Variants in ZFYVE9 observed in about 807,000 individuals in gnomAD.
ZFYVE9 encodes the protein zinc finger FYVE-type containing 9, also known as zinc finger FYVE domain-containing protein 9.
A neutral mutation model predicts 126.7 loss-of-function variants in ZFYVE9; 43 were observed. The ratio of observed to expected loss-of-function variants is 0.34; its 90% confidence interval spans 0.27 to 0.44. The LOEUF is 0.44. ZFYVE9 is among the 20% of genes least tolerant of loss of function. The probability of loss-of-function intolerance (pLI) is 1.00; values close to 1 mark genes in which losing one functional copy is unlikely to be tolerated. For synonymous variants in ZFYVE9, 521 were observed against 597.4 expected (o/e 0.87, Z 1.87); for missense variants, 1,476 against 1,697.0 (o/e 0.87, Z 2.29).
intron 13 of ZFYVE9, among the ~76,000 whole-genome samples, chr1:52,317,925 C>T (rs192102437): frequency 6.6e-6 from 1 of 152,090 alleles, no homozygotes; most frequent in Admixed American, 6.5e-5. Context: ...TGTTTAAAAC[C>T]TTCTCACAAA....
At chr1:52,181,148 T>C (rs1644697731) in intron 1 of ZFYVE9, among the ~76,000 whole-genome samples, 1 of 152,024 alleles carries the variant, frequency 6.6e-6, no homozygotes. Flanking sequence ...AGCTGGACTG[T>C]ACTGCTGCCA....
At chr1:52,232,415 A>C (rs147397369) in intron 2 of ZFYVE9, among the ~76,000 whole-genome samples, 2 of 152,248 alleles carry the variant, frequency 1.3e-5, no homozygotes, top group African/African-American at 4.8e-5. Context: ...TAGAAATGGT[A>C]CTCGAAGAGG....
At chr1:52,340,816 A>G (rs1646428147) in intron 17 of ZFYVE9, among the ~76,000 whole-genome samples, 1 of 147,904 alleles carries the variant, frequency 6.8e-6, no homozygotes. Context: ...CATGGGAATC[A>G]CTTGAACCCG....
chr1:52,277,325 C>T (rs1475876729), intron 8 of ZFYVE9, among the ~76,000 whole-genome samples: 1 of 152,130 alleles, frequency 6.6e-6, no homozygotes, highest in Non-Finnish European at 1.5e-5. Context: ...AATTGGCCTA[C>T]TCTGTTGTTA....
At chr1:52,327,130 C>T (rs962550521) in intron 13 of ZFYVE9, among the ~76,000 whole-genome samples, 3 of 152,016 alleles carry the variant, frequency 2.0e-5, no homozygotes, top group Non-Finnish European at 4.4e-5. Flanking sequence ...CACTACACTC[C>T]AGCCTGGTGA....
chr1:52,184,588 CGGGTGGTGGGGAGCGG>C (rs1302037736), intron 1 of ZFYVE9, among the ~76,000 whole-genome samples: 17 of 3,230 alleles, frequency 5.3e-3, no homozygotes, highest in Non-Finnish European at 1.3e-3. Context: ...TTTTGGGTGG[CGGGTGGTGGGGAGCGG>C]GGGTGGGCGG....
At chr1:52,296,157 ACATATATATTCATATGTAT>A (rs968702087) in intron 12 of ZFYVE9, among the ~76,000 whole-genome samples, 180 bp downstream of exon 12, 68 of 151,734 alleles carry the variant, frequency 4.5e-4, no homozygotes, top group African/African-American at 1.5e-3. Context: ...ACACACATAT[ACATATATATTCATATGTAT>A]ACACACACAC....
At chr1:52,198,567 T>C (rs888552170) in intron 1 of ZFYVE9, among the ~76,000 whole-genome samples, 1 of 152,204 alleles carries the variant, frequency 6.6e-6, no homozygotes, top group Non-Finnish European at 1.5e-5. Flanking sequence ...GGAGCATACA[T>C]AGGATCTAAT....
intron 9 of ZFYVE9, 111 bp from the exon 10 acceptor site, chr1:52,281,550 G>A: frequency 8.2e-7 from 1 of 1,220,868 alleles, no homozygotes; most frequent in Non-Finnish European, 1.1e-6. Context: ...CAGACTCAGT[G>A]TGATCTATTT....
chr1:52,245,899 G>C (rs967130466), intron 4 of ZFYVE9, among the ~76,000 whole-genome samples: 2 of 152,124 alleles, frequency 1.3e-5, no homozygotes, highest in African/African-American at 4.8e-5. Context: ...TTGCATTTCT[G>C]AGAGAAATGT....
At chr1:52,318,372 G>GTGTGTGTGTA (rs1429204102) in intron 13 of ZFYVE9, among the ~76,000 whole-genome samples, 1 of 5,496 alleles carries the variant, frequency 1.8e-4, no homozygotes, top group Non-Finnish European at 2.4e-3. Flanking sequence ...ATGATTGTAT[G>GTGTGTGTGTA]TGTGTGTGTG....
intron 10 of ZFYVE9, among the ~76,000 whole-genome samples, chr1:52,284,920 A>G (rs1382136253): frequency 6.6e-6 from 1 of 152,176 alleles, no homozygotes; most frequent in Admixed American, 6.5e-5. Context: ...ATGTATATCT[A>G]AGGAAATAAC....
At chr1:52,217,990 C>T (rs1645087505) in intron 2 of ZFYVE9, among the ~76,000 whole-genome samples, 2 of 152,156 alleles carry the variant, frequency 1.3e-5, no homozygotes, top group South Asian at 4.1e-4. Context: ...GTGATTTATC[C>T]AGTCTACGTT....
Position 52,340,137 on chromosome 1 carries a change from C to T in ZFYVE9, c.3845C>T (p.Pro1282Leu). 1 of 1,613,110 alleles carries T rather than the reference C, an allele frequency of 6.2e-7. No homozygotes were observed. Among genetic ancestry groups the T allele is most frequent in the Non-Finnish European group, 8.5e-7 (1 of 1,179,202 alleles). Residue 1282 changes from proline to leucine, a missense_variant, in exon 17 of 19, where the codon CCT (proline) becomes CTT (leucine). Pro to Leu is a moderately conservative substitution (Grantham distance 98, BLOSUM62 -3). This residue lies in a region of ZFYVE9 where 669 missense variants were observed against 902.4 expected (regional missense o/e 0.74). Coordinates refer to ENST00000287727, the MANE Select transcript of ZFYVE9 (RefSeq NM_004799.4). ...DKNVSKGVVS[P>L]IDGKSMETIT... ...TGCCTCTATTTTAGTGTCGTAAGTC[C>T]TATAGATGGGAAGTCCATGGAGACT...
In ZFYVE9 at chr1:52,239,304, C is replaced by T. The variant is rs1645309890; in HGVS notation, c.1887C>T (p.Thr629=). 1 of 1,613,970 alleles carries T rather than the reference C, an allele frequency of 6.2e-7. No homozygotes were observed. Among genetic ancestry groups the T allele is most frequent in the African/African-American group, 1.3e-5 (1 of 74,906 alleles). Residue 629 remains threonine, a synonymous_variant, in exon 4 of 19, where the codon ACC becomes ACT. Coordinates refer to ENST00000287727, the MANE Select transcript of ZFYVE9 (RefSeq NM_004799.4). ...GKAKLGENSA[T]NVCSPSLGNI... ...CAAAATTAGGGGAAAACTCAGCAAC[C>T]AATGTATGCAGTCCATCTTTGGGAA...
chr1:52,199,312 C>T (rs1644901109), intron 1 of ZFYVE9, among the ~76,000 whole-genome samples: 1 of 152,196 alleles, frequency 6.6e-6, no homozygotes, highest in African/African-American at 2.4e-5. Context: ...ATCCACCCGC[C>T]TCGGCTTCCC....
intron 10 of ZFYVE9, among the ~76,000 whole-genome samples, chr1:52,284,619 C>T (rs113875138): frequency 0.013 from 1,966 of 152,186 alleles, 21 homozygotes; most frequent in Middle Eastern, 0.02. Context: ...CGGGGTTTCA[C>T]CGTGTTAGCC....
At chr1:52,315,388 A>G (rs1646174472) in intron 13 of ZFYVE9, among the ~76,000 whole-genome samples, 1 of 152,206 alleles carries the variant, frequency 6.6e-6, no homozygotes, top group African/African-American at 2.4e-5. Context: ...TGATCACACC[A>G]TTCCACTCCA....
chr1:52,181,877 C>T (rs1436793423), intron 1 of ZFYVE9, among the ~76,000 whole-genome samples: 2 of 151,786 alleles, frequency 1.3e-5, no homozygotes, highest in Non-Finnish European at 2.9e-5. Flanking sequence ...CGAGGAGCCC[C>T]TCCGCCCGGC....
Sources: allele counts gnomAD v4.1 joint callset (sites outside exome capture counted in the v4.1 genomes callset), GRCh38; gene constraint gnomAD v4.1.1; regional missense constraint gnomAD v4.1.1; transcripts MANE v1.5; gene names NCBI Gene and HGNC (gene_info 2026-07-23, HGNC 2026-07-21).